The following GPR180 variants were observed in gnomAD, a reference collection of about 807,000 sequenced individuals.
GPR180 encodes the protein G protein-coupled receptor 180, also known as integral membrane protein GPR180.
In GPR180, 53 loss-of-function variants were observed where a neutral mutation model predicts 52.6. The ratio of observed to expected loss-of-function variants is 1.01; its 90% confidence interval spans 0.81 to 1.27. GPR180 has a LOEUF of 1.27. Ranked by LOEUF, GPR180 falls within the 50% of genes most tolerant of loss-of-function variation. GPR180 has a pLI of 0.00. For synonymous variants in GPR180, 200 were observed against 193.1 expected, an observed-to-expected ratio of 1.04 and a Z score of -0.30; for missense variants, 533 against 527.0, an observed-to-expected ratio of 1.01 and a Z score of -0.11.
At chr13:94,609,748 G>C (rs1889680645) in intron 2 of GPR180, among the ~76,000 whole-genome samples, 1 of 150,426 alleles carries the variant, frequency 6.6e-6, no homozygotes, top group South Asian at 2.1e-4. Context: ...GAAACTGTAT[G>C]TGTGTTTTTT....
intron 2 of GPR180, among the ~76,000 whole-genome samples, chr13:94,610,876 G>A (rs1889694120): frequency 6.6e-6 from 1 of 152,116 alleles, no homozygotes; most frequent in African/African-American, 2.4e-5. Flanking sequence ...CAGATGCCCT[G>A]GAGGAAAGGA....
At chr13:94,605,632 TTA>T in intron 2 of GPR180, 83 bp downstream of exon 2, 2 of 1,147,794 alleles carry the variant, frequency 1.7e-6, no homozygotes, top group Admixed American at 2.5e-5. Flanking sequence ...TGTACATATG[TTA>T]TGTTTCCTGA....
chr13:94,628,036 A>G lies in GPR180; in HGVS notation c.*865A>G, dbSNP rs2138572313. 6.6e-6 allele frequency: 1 copy of G among 152,642 alleles called. No individual in the cohort carries two copies. Among genetic ancestry groups the G allele is most frequent in the Middle Eastern group, 3.4e-3 (1 of 294 alleles). 9.5% of individuals were successfully genotyped at this position (152,642 alleles called of 1,614,324 possible). Reference sequence around the variant, plus strand: ...TAAGCCGTATACACAGATTAAATTAACAGAAGCATTTCACATAAATGTTGG... The same window carrying G: ...TAAGCCGTATACACAGATTAAATTAGCAGAAGCATTTCACATAAATGTTGG... On this transcript the variant is annotated 3_prime_UTR_variant, in exon 9 of 9. Coordinates refer to ENST00000376958, the MANE Select transcript of GPR180 (RefSeq NM_180989.6).
At chr13:94,623,339 C>T (rs746284919) in intron 7 of GPR180, 39 bp downstream of exon 7, 1 of 1,487,284 alleles carries the variant, frequency 6.7e-7, no homozygotes, top group Non-Finnish European at 9.3e-7. Context: ...TCTGATTATC[C>T]ACTTGGTTCT....
intron 3 of GPR180, among the ~76,000 whole-genome samples, chr13:94,615,094 C>G (rs905398657): frequency 2.6e-5 from 4 of 152,186 alleles, no homozygotes; most frequent in African/African-American, 7.2e-5. Context: ...CCCAGAGACT[C>G]AGATAGATTT....
Position 94,627,063 on chromosome 13 carries a change from C to A in GPR180, c.1215C>A (p.Leu405=). Residue 405 remains leucine (L), a synonymous_variant, in exon 9 of 9, where the codon CTC becomes CTA. Coordinates refer to ENST00000376958, the MANE Select transcript of GPR180 (RefSeq NM_180989.6). Reference sequence around the variant, plus strand: ...GCCAGTCTGTTTCCATGGTTATTCTCTACAGACTCTTTCTGTCTCACAGTC... The same window carrying A: ...GCCAGTCTGTTTCCATGGTTATTCTATACAGACTCTTTCTGTCTCACAGTC... ...ILCQSVSMVI[L]YRLFLSHSLY... is the part of the protein sequence containing the mutation. 6.2e-7 allele frequency: 1 copy of A among 1,611,410 alleles called. No homozygotes were observed. The highest frequency in any genetic ancestry group is 8.5e-7 in the Non-Finnish European group (1 of 1,178,052).
chr13:94,618,062 T>G (rs1448868061), intron 3 of GPR180, among the ~76,000 whole-genome samples: 1 of 152,234 alleles, frequency 6.6e-6, no homozygotes, highest in Non-Finnish European at 1.5e-5. Flanking sequence ...AAGCTGCTAG[T>G]AGGCACTAGA....
In GPR180 at chr13:94,623,386, AC is replaced by A. The variant is rs549470562; in HGVS notation, c.1086+87del. 3.8e-5 allele frequency: 40 copies of A among 1,061,366 alleles called. No individual in the cohort carries two copies. The African/African-American group carries it at 6.0e-4, about 16-fold the overall frequency. 65.7% of individuals were successfully genotyped at this position (1,061,366 alleles called of 1,614,324 possible). ...GAAGTTAATAAACAACTACATGCTA[AC>A]TTTTATTAAACTTCTGGGTTGGGCA... On this transcript the variant is annotated intron_variant, in intron 7 of 8. Transcript: ENST00000376958.
chr13:94,621,856 G>T (rs1246162337), intron 6 of GPR180, among the ~76,000 whole-genome samples: 1 of 151,724 alleles, frequency 6.6e-6, no homozygotes, highest in Admixed American at 6.6e-5. Context: ...ATATGCCTAT[G>T]TTCAATGGAT....
At chr13:94,612,885 A>G (rs1298789186) in intron 3 of GPR180, among the ~76,000 whole-genome samples, 1 of 152,192 alleles carries the variant, frequency 6.6e-6, no homozygotes, top group Non-Finnish European at 1.5e-5. Flanking sequence ...AGCTTGTTTG[A>G]ACAGATTTAG....
At position 94,601,870 on chromosome 13, in the gene GPR180, G is replaced by C. The variant is rs961744437; in HGVS notation, c.-58G>C. On this transcript the variant is annotated 5_prime_UTR_variant, in exon 1 of 9. Coordinates refer to ENST00000376958, the MANE Select transcript of GPR180 (RefSeq NM_180989.6). ...CCCGCCTCCCCCAGCTGCCGACGTGGGGCGGGCAGCCGCCGGCGGCTGGGA... is the reference window on the plus strand; with the variant it reads ...CCCGCCTCCCCCAGCTGCCGACGTGCGGCGGGCAGCCGCCGGCGGCTGGGA... 3 of 1,330,954 alleles carry C rather than the reference G, an allele frequency of 2.3e-6. No individual in the cohort carries two copies. Among genetic ancestry groups the C allele is most frequent in the Non-Finnish European group, 2.9e-6 (3 of 1,039,204 alleles). The allele number at this position is 1,330,954 out of a possible 1,614,324, so 82.4% of individuals were successfully genotyped here.
chr13:94,613,600 G>A (rs994765164), intron 3 of GPR180, among the ~76,000 whole-genome samples: 4 of 151,980 alleles, frequency 2.6e-5, no homozygotes, highest in East Asian at 3.9e-4. Flanking sequence ...ATGTTTTAAA[G>A]TGGTTAATTT....
At position 94,605,472 on chromosome 13, in the gene GPR180, C is replaced by T. The variant is rs143641707; in HGVS notation, c.227C>T (p.Ala76Val). ...GAAGCTAAACTCTACCTGTTCCAAG[C>T]CCAGGAATGGCTAAAGCTACAGCAA... ...GKEAKLYLFQ[A>V]QEWLKLQQSS... Residue 76 changes from alanine (A) to valine (V), a missense_variant, in exon 2 of 9, where the codon GCC becomes GTC. By Grantham distance (64) the Ala-to-Val change is moderately conservative. Transcript: ENST00000376958. 110 of 1,613,868 alleles carry T rather than the reference C, an allele frequency of 6.8e-5. No homozygotes were observed. Among genetic ancestry groups the T allele is most frequent in the Non-Finnish European group, 7.6e-6 (9 of 1,179,904 alleles).
Position 94,628,134 on chromosome 13 carries a change from G to A in GPR180, c.*963G>A, listed in dbSNP as rs908020392. Reference sequence around the variant, plus strand: ...AGGATTAAATTTTCTATGAATAATTGAAAAACAAAACACTCACTGGATTTG... The same window carrying A: ...AGGATTAAATTTTCTATGAATAATTAAAAAACAAAACACTCACTGGATTTG... On this transcript the variant is annotated 3_prime_UTR_variant, in exon 9 of 9. Transcript: ENST00000376958. 3 of 152,436 alleles carry A rather than the reference G, an allele frequency of 2.0e-5. No homozygotes were observed. Among genetic ancestry groups the A allele is most frequent in the Non-Finnish European group, 4.4e-5 (3 of 67,898 alleles). 9.4% of individuals were successfully genotyped at this position (152,436 alleles called of 1,614,324 possible).
chr13:94,613,056 T>C (rs1889731076), intron 3 of GPR180, among the ~76,000 whole-genome samples: 1 of 152,200 alleles, frequency 6.6e-6, no homozygotes, highest in Non-Finnish European at 1.5e-5. Context: ...ATGAATGACT[T>C]CTTATGATCA....
At chr13:94,603,203 T>A (rs1396687714) in intron 1 of GPR180, among the ~76,000 whole-genome samples, 2 of 152,214 alleles carry the variant, frequency 1.3e-5, no homozygotes, top group East Asian at 3.8e-4. Flanking sequence ...GAAACAATTT[T>A]ATTATTTTTT....
Position 94,612,182 on chromosome 13 carries a change from C to G in GPR180, c.305-8C>G, listed in dbSNP as rs761860559. 1 of 1,612,228 alleles carries G rather than the reference C, an allele frequency of 6.2e-7. No individual in the cohort carries two copies. Among genetic ancestry groups the G allele is most frequent in the Admixed American group, 1.7e-5 (1 of 59,956 alleles). On this transcript the variant is annotated splice_region_variant and splice_polypyrimidine_tract_variant and intron_variant, in intron 2 of 8. Transcript: ENST00000376958. ...TTGTTACAAAAGGTGTTTTCTTTCT[C>G]TTTAAAGTGACCATGAACCAGACCG... is the stretch of plus-strand genomic sequence containing the variant.
chr13:94,633,941 T>C lies in GPR180; in HGVS notation c.*6770T>C, dbSNP rs984258133. The C allele has an allele frequency of 2.0e-5, 3 of 152,332 alleles. No homozygotes were observed. In the East Asian group the frequency reaches 5.8e-4, roughly 29 times the overall value. The allele number at this position is 152,332 out of a possible 1,614,324, so 9.4% of individuals were successfully genotyped here. A position where few individuals can be genotyped will look rare whatever the true frequency, so the allele number is the denominator to read the frequency against. ...TGACTTATTGCAATATCATGTGTTA[T>C]ATAATCCATCTTTACTGATTCGTTG... is the stretch of plus-strand genomic sequence containing the variant. On this transcript the variant is annotated 3_prime_UTR_variant, in exon 9 of 9. Transcript: ENST00000376958.
chr13:94,621,056 GT>G (rs1889845491), intron 5 of GPR180, 21 bp from the exon 6 acceptor site: 1 of 1,579,600 alleles, frequency 6.3e-7, no homozygotes, highest in South Asian at 1.2e-5. Flanking sequence ...CTTGGTTGAC[GT>G]TGGTTTTCAT....
Sources: gnomAD v4.1 joint callset for allele counts (sites outside exome capture counted in the v4.1 genomes callset) on GRCh38, gnomAD v4.1.1 for gene constraint, MANE v1.5 for transcripts, NCBI Gene and HGNC (gene_info 2026-07-23, HGNC 2026-07-21) for gene names.